The following PUS10 variants were observed in gnomAD, a reference collection of about 807,000 sequenced individuals.
PUS10 encodes the protein pseudouridine synthase 10, also known as tRNA pseudouridine synthase Pus10.
Under a neutral mutation model 75.0 loss-of-function variants are expected in PUS10, and 59 were observed. That is an observed-to-expected ratio of 0.79 (90% CI 0.64 to 0.98). The LOEUF (loss-of-function observed/expected upper bound fraction) is 0.98. Among genes scored for constraint, PUS10 ranks in the 50% least tolerant of loss-of-function variants. PUS10 has a pLI of 0.00. For missense variants in PUS10, 650 were observed against 614.4 expected, an observed-to-expected ratio of 1.06 and a Z score of -0.61; for synonymous variants, 219 against 211.6, an observed-to-expected ratio of 1.03 and a Z score of -0.30.
At chr2:60,975,382 T>C (rs186858545) in intron 4 of PUS10, among the ~76,000 whole-genome samples, 76 of 152,226 alleles carry the variant, frequency 5.0e-4, no homozygotes, top group Non-Finnish European at 1.3e-4. Flanking sequence ...CTTGACCTCG[T>C]GATCCGCCCG....
chr2:61,012,336 G>A (rs574045156), intron 1 of PUS10, among the ~76,000 whole-genome samples: 2 of 152,082 alleles, frequency 1.3e-5, no homozygotes, highest in African/African-American at 4.8e-5. Flanking sequence ...TGGTAGTGGG[G>A]CTCAGAAAGC....
chr2:60,971,443 A>C, intron 5 of PUS10, 80 bp downstream of exon 5: 3 of 1,236,330 alleles, frequency 2.4e-6, no homozygotes, highest in Non-Finnish European at 3.6e-6. Context: ...AAAAATAGAG[A>C]TTGTAGTAGT....
At chr2:60,984,045 G>A (rs1464950217) in intron 4 of PUS10, among the ~76,000 whole-genome samples, 7 of 151,878 alleles carry the variant, frequency 4.6e-5, no homozygotes, top group Non-Finnish European at 1.0e-4. Context: ...AAACACATAG[G>A]AATAAATAAA....
Position 60,945,119 on chromosome 2 carries a change from T to C in PUS10, c.1452-11A>G. Reference sequence around the variant, plus strand: ...AACTCTTTAATGTAGCTGGGGTTTGTTTAAGGAAAAAATGAAGACAGCATG... The same window carrying C: ...AACTCTTTAATGTAGCTGGGGTTTGCTTAAGGAAAAAATGAAGACAGCATG... On this transcript the variant is annotated splice_polypyrimidine_tract_variant and intron_variant, in intron 16 of 17. Transcript: ENST00000316752. 1 of 1,595,550 alleles carries C rather than the reference T, an allele frequency of 6.3e-7. No individual in the cohort carries two copies. The highest frequency in any genetic ancestry group is 8.6e-7 in the Non-Finnish European group (1 of 1,163,226).
chr2:60,947,539 A>C (rs146047307), intron 16 of PUS10, among the ~76,000 whole-genome samples: 83 of 152,310 alleles, frequency 5.4e-4, no homozygotes, highest in African/African-American at 1.8e-3. Context: ...ATTTTGAAAA[A>C]CAAATTTAGG....
At position 60,953,970 on chromosome 2, in the gene PUS10, T is replaced by C; in HGVS notation, c.1153A>G (p.Asn385Asp). ...TGCAAGTCACGTACTTGGATTTTGT[T>C]AGATGAGTTATTAATTTTCTGTAGT... ...ELQQKINNSS[N>D]KIQVRDLQLV... The change falls in exon 14 of 18, where the codon AAC becomes GAC. Residue 385 changes from asparagine to aspartate, a missense_variant. By Grantham distance (23) the Asn-to-Asp change is conservative. Transcript: ENST00000316752. 6.2e-7 allele frequency: 1 copy of C among 1,614,064 alleles called. No homozygotes were observed. The highest frequency in any genetic ancestry group is 8.5e-7 in the Non-Finnish European group (1 of 1,179,880).
In PUS10 at chr2:60,948,051, C is replaced by T. The variant is rs1182392150; in HGVS notation, c.1443G>A (p.Gln481=). 6.2e-7 allele frequency: 1 copy of T among 1,613,994 alleles called. No individual in the cohort carries two copies. The highest frequency in any genetic ancestry group is 2.2e-5 in the East Asian group (1 of 44,882). ...EHHFRLHLKT[Q]AGTYIKEFVH... ...AGCAGGTGGAAGGATACGTGCCAGC[C>T]TGAGTTTTCAAGTGGAGGCGGAAGT... Residue 481 remains glutamine, a synonymous_variant, in exon 16 of 18, where the codon CAG becomes CAA. Transcript: ENST00000316752.
At chr2:60,945,270 C>T (rs1187542686) in intron 16 of PUS10, among the ~76,000 whole-genome samples, 162 bp from the exon 17 acceptor site, 1 of 152,170 alleles carries the variant, frequency 6.6e-6, no homozygotes, top group Non-Finnish European at 1.5e-5. Flanking sequence ...GCAATGTGGT[C>T]CCTAGTAGCC....
intron 4 of PUS10, among the ~76,000 whole-genome samples, chr2:60,991,300 G>A (rs1249883155): frequency 6.6e-6 from 1 of 152,158 alleles, no homozygotes; most frequent in Non-Finnish European, 1.5e-5. Flanking sequence ...GTAAATCTGT[G>A]AATATTGACT....
chr2:60,954,036 CAG>C (rs750283809), intron 13 of PUS10, 44 bp downstream of exon 13: 2 of 1,607,718 alleles, frequency 1.2e-6, no homozygotes, highest in South Asian at 2.2e-5. Flanking sequence ...AGCTCAGTTA[CAG>C]AATTGCAGAA....
At chr2:60,997,149 G>C (rs960017270) in intron 4 of PUS10, among the ~76,000 whole-genome samples, 1 of 152,134 alleles carries the variant, frequency 6.6e-6, no homozygotes, top group African/African-American at 2.4e-5. Flanking sequence ...GTGGATTGCT[G>C]CATGAACACA....
intron 5 of PUS10, among the ~76,000 whole-genome samples, chr2:60,969,686 A>T (rs967083363): frequency 1.2e-4 from 18 of 152,228 alleles, no homozygotes; most frequent in Admixed American, 1.2e-3. Context: ...AGAATGAACT[A>T]GGGACACTGA....
chr2:60,966,062 T>C (rs1466636460), intron 6 of PUS10: 1 of 152,106 alleles, frequency 6.6e-6, no homozygotes, highest in African/African-American at 2.4e-5. Context: ...ATTAACAATT[T>C]GATGTTTCTT....
chr2:61,008,116 A>G (rs1679358239), intron 3 of PUS10, among the ~76,000 whole-genome samples: 1 of 152,094 alleles, frequency 6.6e-6, no homozygotes, highest in Admixed American at 6.5e-5. Context: ...GGCCGGGTAC[A>G]GTGACTCACA....
At chr2:60,948,527 G>A (rs989150646) in intron 15 of PUS10, among the ~76,000 whole-genome samples, 1 of 152,008 alleles carries the variant, frequency 6.6e-6, no homozygotes, top group African/African-American at 2.4e-5. Flanking sequence ...GCGCCCCGTC[G>A]AGTTTGCGTG....
At chr2:60,946,278 T>G (rs534309835) in intron 16 of PUS10, among the ~76,000 whole-genome samples, 16 of 152,344 alleles carry the variant, frequency 1.1e-4, no homozygotes, top group African/African-American at 3.8e-4. Context: ...CTCAGTGCAG[T>G]GATCAATGTA....
chr2:60,998,121 A>G (rs1678599730), intron 4 of PUS10, among the ~76,000 whole-genome samples: 1 of 152,240 alleles, frequency 6.6e-6, no homozygotes, highest in East Asian at 1.9e-4. Context: ...TTATGAGCTA[A>G]ACATAATTAG....
chr2:60,945,506 T>TG (rs1300749226), intron 16 of PUS10, among the ~76,000 whole-genome samples: 5 of 152,230 alleles, frequency 3.3e-5, no homozygotes, highest in African/African-American at 1.2e-4. Context: ...ACCTGCCAGA[T>TG]GGTAGGTTTC....
At chr2:61,002,253 A>G (rs371741121) in intron 4 of PUS10, among the ~76,000 whole-genome samples, 2 of 152,360 alleles carry the variant, frequency 1.3e-5, no homozygotes. Context: ...TTAGGAAAAG[A>G]AACAGTTCCA....
Sources: allele counts gnomAD v4.1 joint callset (sites outside exome capture counted in the v4.1 genomes callset), GRCh38; gene constraint gnomAD v4.1.1; transcripts MANE v1.5; gene names NCBI Gene and HGNC (gene_info 2026-07-23, HGNC 2026-07-21).